The following AASDHPPT variants were observed in gnomAD, a reference collection of about 807,000 sequenced individuals.
AASDHPPT encodes the protein aminoadipate-semialdehyde dehydrogenase-phosphopantetheinyl transferase.
Under a neutral mutation model 36.4 loss-of-function variants are expected in AASDHPPT, and 23 were observed. The observed-to-expected ratio is 0.63, with a 90% CI of 0.45 to 0.89. The LOEUF (loss-of-function observed/expected upper bound fraction) is 0.89, where lower values mean the gene tolerates loss of function less well. AASDHPPT is among the 40% of genes least tolerant of loss of function. The pLI is 0.00. For missense variants in AASDHPPT, 377 were observed against 378.2 expected (o/e 1.00, Z 0.03); for synonymous variants, 115 against 128.0 (o/e 0.90, Z 0.68).
intron 4 of AASDHPPT, chr11:106,092,282 T>A (rs571043152): frequency 2.2e-4 from 34 of 152,278 alleles, no homozygotes; most frequent in African/African-American, 7.9e-4. Flanking sequence ...TCCAGACCAG[T>A]CATTATACTG....
At chr11:106,086,495 G>A (rs1861198788) in intron 2 of AASDHPPT, 1 of 152,194 alleles carries the variant, frequency 6.6e-6, no homozygotes, top group Non-Finnish European at 1.5e-5. Context: ...GTTCTGGGTG[G>A]ACATGAATTT....
At chr11:106,087,134 T>C (rs1409190239) in intron 2 of AASDHPPT, among the ~76,000 whole-genome samples, 1 of 152,246 alleles carries the variant, frequency 6.6e-6, no homozygotes, top group African/African-American at 2.4e-5. Context: ...TTGACGTTAT[T>C]TCAATCTAGT....
At chr11:106,094,845 G>A (rs1378818360) in intron 5 of AASDHPPT, among the ~76,000 whole-genome samples, 191 bp downstream of exon 5, 1 of 152,134 alleles carries the variant, frequency 6.6e-6, no homozygotes, top group Non-Finnish European at 1.5e-5. Context: ...TTAAAAAGCA[G>A]CTGGGCATGG....
chr11:106,094,861 C>G (rs1409307379), intron 5 of AASDHPPT, among the ~76,000 whole-genome samples: 1 of 152,104 alleles, frequency 6.6e-6, no homozygotes, highest in African/African-American at 2.4e-5. Context: ...CATGGTGGCT[C>G]ACACCTGTAA....
intron 2 of AASDHPPT, among the ~76,000 whole-genome samples, chr11:106,081,388 C>T (rs531379280): frequency 1.3e-5 from 2 of 152,240 alleles, no homozygotes; most frequent in African/African-American, 2.4e-5. Flanking sequence ...TTGTTTACCT[C>T]CTGAAACTGT....
intron 2 of AASDHPPT, among the ~76,000 whole-genome samples, chr11:106,088,801 T>G (rs984796622): frequency 1.3e-5 from 2 of 152,086 alleles, no homozygotes; most frequent in African/African-American, 4.8e-5. Flanking sequence ...ATTGAACTCT[T>G]AAGATCACAA....
chr11:106,091,193 A>G (rs1861253065), intron 3 of AASDHPPT, 123 bp from the exon 4 acceptor site: 3 of 760,856 alleles, frequency 3.9e-6, no homozygotes, highest in Non-Finnish European at 6.1e-6. Context: ...TTTTTTAAAA[A>G]GGTTATAGCT....
Position 106,084,042 on chromosome 11 carries a change from T to A in AASDHPPT, c.409+4350T>A, listed in dbSNP as rs189218755. ...GAGCTTCTATGAAGTGATTAGAAAA[T>A]ATTAATAGGCACGTTACAGAAGAAC... On this transcript the variant is annotated intron_variant, in intron 2 of 5. Coordinates refer to ENST00000278618, the MANE Select transcript of AASDHPPT (RefSeq NM_015423.3). Among the ~76,000 whole-genome samples the A allele has an allele frequency of 3.9e-4, 60 of 152,152 alleles. 1 individual carries two copies. The East Asian group carries it at 0.011, about 28-fold the overall frequency.
rs1321604558 is a variant in AASDHPPT, at chr11:106,077,762, C to CG, written c.53dup (p.Trp19LeufsTer40). 6.2e-7 allele frequency: 1 copy of CG among 1,614,124 alleles called. No individual in the cohort carries two copies. Among genetic ancestry groups the CG allele is most frequent in the Non-Finnish European group, 8.5e-7 (1 of 1,180,006 alleles). On this transcript the variant is annotated frameshift_variant, in exon 1 of 6. Transcript: ENST00000278618. LOFTEE classifies it high-confidence loss of function. ...CTTGGTGCCATCCATGGAGGGCGTG[C>CG]GCTGGGCCTTTTCCTGCGGCACTTG... is the stretch of plus-strand genomic sequence containing the variant.
At chr11:106,082,019 T>TAAA (rs957566583) in intron 2 of AASDHPPT, among the ~76,000 whole-genome samples, 2 of 151,388 alleles carry the variant, frequency 1.3e-5, no homozygotes, top group African/African-American at 4.8e-5. Context: ...ATAATAATAA[T>TAAA]AAAAAAGAAA....
intron 2 of AASDHPPT, among the ~76,000 whole-genome samples, chr11:106,087,876 A>G (rs2135041028): frequency 6.6e-6 from 1 of 152,296 alleles, no homozygotes; most frequent in East Asian, 1.9e-4. Context: ...AGAACTTGCC[A>G]ACGTATGTGC....
Position 106,078,041 on chromosome 11 carries a change from G to A in AASDHPPT, c.183+148G>A. On this transcript the variant is annotated intron_variant, in intron 1 of 5. Coordinates refer to ENST00000278618, the MANE Select transcript of AASDHPPT (RefSeq NM_015423.3). ...GGCCCGGGCGACAGCAGCCGGCGCT[G>A]CGGAGTTGTGGGCGACGCACGGCCT... The A allele has an allele frequency of 4.5e-6, 5 of 1,106,862 alleles. No individual in the cohort carries two copies. The South Asian group carries it at 6.5e-5, about 14-fold the overall frequency. The allele number at this position is 1,106,862 out of a possible 1,614,324, so 68.6% of individuals were successfully genotyped here.
Position 106,098,422 on chromosome 11 carries a change from T to C in AASDHPPT, c.*1515T>C, listed in dbSNP as rs1861341942. The C allele has an allele frequency of 6.6e-6, 1 of 152,074 alleles. No homozygotes were observed. The highest frequency in any genetic ancestry group is 6.6e-5 in the Admixed American group (1 of 15,252). The allele number at this position is 152,074 out of a possible 1,614,324, so 9.4% of individuals were successfully genotyped here. A position where few individuals can be genotyped will look rare whatever the true frequency, so the allele number is the denominator to read the frequency against. ...TGTCTTGGAGTTAAACTCTTAAGTA[T>C]CAAGAAGTAAAATAATTTCATTGTT... is the stretch of plus-strand genomic sequence containing the variant. On this transcript the variant is annotated 3_prime_UTR_variant, in exon 6 of 6. Coordinates refer to ENST00000278618, the MANE Select transcript of AASDHPPT (RefSeq NM_015423.3).
chr11:106,079,087 A>C (rs971980682), intron 1 of AASDHPPT, among the ~76,000 whole-genome samples: 16 of 152,266 alleles, frequency 1.1e-4, no homozygotes, highest in Admixed American at 2.0e-4. Context: ...GTGTACAGAC[A>C]TAAAATACTT....
chr11:106,082,760 GT>G (rs1861157064), intron 2 of AASDHPPT, among the ~76,000 whole-genome samples: 1 of 152,076 alleles, frequency 6.6e-6, no homozygotes, highest in Non-Finnish European at 1.5e-5. Flanking sequence ...GAAGAATGGT[GT>G]TTTCCTGGTC....
In AASDHPPT at chr11:106,081,361, A is replaced by T. The variant is rs189902100; in HGVS notation, c.409+1669A>T. Among the ~76,000 whole-genome samples, 67 of 152,318 alleles carry T rather than the reference A, an allele frequency of 4.4e-4. 1 individual carries two copies. The South Asian group carries it at 9.9e-3, about 23-fold the overall frequency. On this transcript the variant is annotated intron_variant, in intron 2 of 5. Transcript: ENST00000278618. ...ACAGATTGTTGATCTGATTCCCTGG[A>T]TAAGATTCCAGGAATTTTGTTTACC...
Position 106,097,729 on chromosome 11 carries a change from A to G in AASDHPPT, c.*822A>G, listed in dbSNP as rs989438890. 2 of 152,118 alleles carry G rather than the reference A, an allele frequency of 1.3e-5. No individual in the cohort carries two copies. The highest frequency in any genetic ancestry group is 2.4e-5 in the African/African-American group (1 of 41,436). The allele number at this position is 152,118 out of a possible 1,614,324, so 9.4% of individuals were successfully genotyped here. A position where few individuals can be genotyped will look rare whatever the true frequency, so the allele number is the denominator to read the frequency against. On this transcript the variant is annotated 3_prime_UTR_variant, in exon 6 of 6. Transcript: ENST00000278618. Reference sequence around the variant, plus strand: ...AAAAGCCTCCAGAAGATTTCCCCTCAGTTTCCATTGACTTAGATCAGGTTA... The same window carrying G: ...AAAAGCCTCCAGAAGATTTCCCCTCGGTTTCCATTGACTTAGATCAGGTTA...
At chr11:106,089,606 G>A (rs1426745012) in intron 2 of AASDHPPT, 1 of 151,950 alleles carries the variant, frequency 6.6e-6, no homozygotes, top group South Asian at 2.1e-4. Flanking sequence ...TTTAATATTA[G>A]TTGAATATGT....
intron 4 of AASDHPPT, chr11:106,091,741 C>A (rs993974577): frequency 3.6e-6 from 1 of 275,190 alleles, no homozygotes; most frequent in African/African-American, 2.2e-5. Flanking sequence ...AACAGCCAAA[C>A]GCAGCCACTT....
Sources: allele counts gnomAD v4.1 joint callset (sites outside exome capture counted in the v4.1 genomes callset), GRCh38; gene constraint gnomAD v4.1.1; transcripts MANE v1.5; gene names NCBI Gene and HGNC (gene_info 2026-07-23, HGNC 2026-07-21).